Variants in ANKRD6 observed in about 807,000 individuals in gnomAD.
ANKRD6 encodes ankyrin repeat domain-containing protein 6.
Under a neutral mutation model 82.3 loss-of-function variants are expected in ANKRD6, and 56 were observed. That is an observed-to-expected ratio of 0.68 (90% confidence interval 0.55 to 0.85). The LOEUF (loss-of-function observed/expected upper bound fraction) is 0.85, where lower values mean the gene tolerates loss of function less well. Among genes scored for constraint, ANKRD6 ranks in the 40% least tolerant of loss-of-function variants. ANKRD6 has a pLI of 0.00. For missense variants in ANKRD6, 852 were observed against 907.6 expected, an observed-to-expected ratio of 0.94 and a Z score of 0.79; for synonymous variants, 347 against 352.1, an observed-to-expected ratio of 0.99 and a Z score of 0.16.
rs1354723315 is a variant in ANKRD6 at position 89,620,387 on chromosome 6, A to G, written c.793-1535A>G. Reference sequence around the variant, plus strand: ...GTCATTTTGATTGGTGTGGTTCACGAACGCTCTGAAAGTACATTTTAGGCT... The same window carrying G: ...GTCATTTTGATTGGTGTGGTTCACGGACGCTCTGAAAGTACATTTTAGGCT... On this transcript the variant is annotated intron_variant, in intron 9 of 15. Transcript: ENST00000339746. 5.9e-5 allele frequency among the ~76,000 whole-genome samples: 9 copies of G among 152,178 alleles called. No individual in the cohort carries two copies. In the East Asian group the frequency reaches 1.7e-3, roughly 29 times the overall value.
intron 2 of ANKRD6, among the ~76,000 whole-genome samples, chr6:89,575,633 T>C (rs1790947237): frequency 6.6e-6 from 1 of 152,198 alleles, no homozygotes; most frequent in Admixed American, 6.5e-5. Context: ...AATAATGGGA[T>C]TGTACTTGTA....
rs553535733 is a variant in ANKRD6 at position 89,472,769 on chromosome 6, C to G, written c.-144+39394C>G. ...CCTGTGAACTGGAGCTCATCCCATT[C>G]AGAGACGGTTCTGCCGGTGCCCTGG... On this transcript the variant is annotated intron_variant, in intron 1 of 15. Transcript: ENST00000339746. Among the ~76,000 whole-genome samples, 23 of 152,248 alleles carry G rather than the reference C, an allele frequency of 1.5e-4. No individual in the cohort carries two copies. In the East Asian group the frequency reaches 4.2e-3, roughly 28 times the overall value.
rs759751652 is a variant in ANKRD6 at position 89,621,958 on chromosome 6, AAGAG to A, written c.836_839del (p.Glu279GlyfsTer125). 6 of 1,613,784 alleles carry A rather than the reference AAGAG, an allele frequency of 3.7e-6. No individual in the cohort carries two copies. The African/African-American group carries it at 5.3e-5, about 14-fold the overall frequency. On this transcript the variant is annotated frameshift_variant, in exon 10 of 16. Transcript: ENST00000339746. LOFTEE classifies it high-confidence loss of function. ...CAGTCGTGGGCGAAGCCTGAGGAAAAAGAGAGAGAGGCTCAAGGAAGAGAGGAGA... is the reference window on the plus strand; with the variant it reads ...CAGTCGTGGGCGAAGCCTGAGGAAAAAGAGAGGCTCAAGGAAGAGAGGAGA...
intron 1 of ANKRD6, among the ~76,000 whole-genome samples, chr6:89,558,761 G>A (rs972099276): frequency 7.6e-6 from 1 of 131,966 alleles, no homozygotes; most frequent in Admixed American, 8.5e-5. Flanking sequence ...CTCATCAATT[G>A]TAACAAATGT....
rs541380470 is a variant in ANKRD6, at chr6:89,495,139, C to T, written c.-144+61764C>T. Among the ~76,000 whole-genome samples, 467 of 152,276 alleles carry T rather than the reference C, an allele frequency of 3.1e-3. 1 individual carries two copies. Among genetic ancestry groups the T allele is most frequent in the Non-Finnish European group, 5.6e-3 (380 of 68,014 alleles). ...GTCCCAGTTACTCGGGAGGCTGAGGCAGGAGAAGGCATGAACCCGGGAGGC... is the reference window on the plus strand; with the variant it reads ...GTCCCAGTTACTCGGGAGGCTGAGGTAGGAGAAGGCATGAACCCGGGAGGC... On this transcript the variant is annotated intron_variant, in intron 1 of 15. Transcript: ENST00000339746.
Position 89,630,482 on chromosome 6 carries a change from C to G in ANKRD6, c.1662C>G (p.Ser554Arg), listed in dbSNP as rs372115086. 1.2e-6 allele frequency: 2 copies of G among 1,613,974 alleles called. No homozygotes were observed. Among genetic ancestry groups the G allele is most frequent in the East Asian group, 4.5e-5 (2 of 44,886 alleles). The change falls in exon 16 of 16, where the codon AGC becomes AGG. Residue 554 changes from serine to arginine, a missense_variant. Physicochemically the swap from Ser to Arg is moderately radical, Grantham distance 110 (BLOSUM62 -1). Coordinates refer to ENST00000339746, the MANE Select transcript of ANKRD6 (RefSeq NM_001242809.2). ...VTAGPAAASD[S>R]SPPVVRPKEK... is the part of the protein sequence containing the mutation. ...CAGGTCCAGCAGCAGCTTCCGACAG[C>G]TCCCCTCCAGTGGTTAGGCCCAAAG... is the stretch of plus-strand genomic sequence containing the variant.
At chr6:89,587,304 A>G (rs1174281255) in intron 2 of ANKRD6, among the ~76,000 whole-genome samples, 1 of 151,950 alleles carries the variant, frequency 6.6e-6, no homozygotes, top group Non-Finnish European at 1.5e-5. Context: ...TCCTGGCCAA[A>G]ATGGTGAAAC....
chr6:89,583,119 C>T (rs1291534590), intron 2 of ANKRD6, among the ~76,000 whole-genome samples: 3 of 152,176 alleles, frequency 2.0e-5, no homozygotes, highest in African/African-American at 4.8e-5. Flanking sequence ...TTTTTCAGAG[C>T]AGCAAGGCAG....
intron 5 of ANKRD6, among the ~76,000 whole-genome samples, chr6:89,606,827 G>A (rs1178534616): frequency 6.6e-6 from 1 of 151,180 alleles, no homozygotes; most frequent in Non-Finnish European, 1.5e-5. Flanking sequence ...CTGCACTCCA[G>A]CCTGGGCACA....
intron 4 of ANKRD6, among the ~76,000 whole-genome samples, chr6:89,605,348 C>T (rs1016191344): frequency 6.6e-6 from 1 of 152,224 alleles, no homozygotes; most frequent in Admixed American, 6.5e-5. Context: ...CACCACTGCA[C>T]TCCACTCTAG....
In ANKRD6 at chr6:89,633,603, C is replaced by A. The variant is rs1046096514; in HGVS notation, c.*2599C>A. 1.3e-5 allele frequency: 2 copies of A among 152,072 alleles called. No homozygotes were observed. Among genetic ancestry groups the A allele is most frequent in the Non-Finnish European group, 2.9e-5 (2 of 68,010 alleles). 9.4% of individuals were successfully genotyped at this position (152,072 alleles called of 1,614,324 possible). On this transcript the variant is annotated 3_prime_UTR_variant, in exon 16 of 16. Coordinates refer to ENST00000339746, the MANE Select transcript of ANKRD6 (RefSeq NM_001242809.2). ...AATTGTTAGTGCATTATTGAGTATACTAAATATCTGTGATTAAATAAATTA... is the reference window on the plus strand; with the variant it reads ...AATTGTTAGTGCATTATTGAGTATAATAAATATCTGTGATTAAATAAATTA...
intron 1 of ANKRD6, among the ~76,000 whole-genome samples, chr6:89,533,026 G>A (rs1243688262): frequency 1.3e-5 from 2 of 151,980 alleles, no homozygotes; most frequent in Non-Finnish European, 2.9e-5. Flanking sequence ...GGCACGTGCT[G>A]CCATATTTGG....
chr6:89,543,934 A>AT (rs1336917100), intron 1 of ANKRD6, among the ~76,000 whole-genome samples: 1 of 152,160 alleles, frequency 6.6e-6, no homozygotes. Context: ...GGCCTCTGCT[A>AT]TTTTGGAATC....
chr6:89,568,951 G>A (rs1181920810), intron 2 of ANKRD6, among the ~76,000 whole-genome samples: 45 of 136,088 alleles, frequency 3.3e-4, no homozygotes, highest in African/African-American at 1.1e-3. Flanking sequence ...TTTTTTTTTA[G>A]ACAGTGTGTC....
intron 2 of ANKRD6, among the ~76,000 whole-genome samples, chr6:89,577,634 A>T (rs1791427264): frequency 6.6e-6 from 1 of 152,162 alleles, no homozygotes; most frequent in Non-Finnish European, 1.5e-5. Context: ...CCTGGGAAAC[A>T]TAGTGAGACC....
chr6:89,605,253 A>G (rs1798242860), intron 4 of ANKRD6, among the ~76,000 whole-genome samples: 1 of 152,128 alleles, frequency 6.6e-6, no homozygotes, highest in Non-Finnish European at 1.5e-5. Flanking sequence ...ATAGTGGTGC[A>G]TGTCTGTAAT....
At position 89,566,965 on chromosome 6, in the gene ANKRD6, C is replaced by A. The variant is rs762785407; in HGVS notation, c.-12C>A. ...GTCTACCGCTTCCCTGAAAACCTTT[C>A]TTTCCTAATTCATGAGCCAGCAAGA... On this transcript the variant is annotated 5_prime_UTR_variant, in exon 2 of 16. Coordinates refer to ENST00000339746, the MANE Select transcript of ANKRD6 (RefSeq NM_001242809.2). The A allele has an allele frequency of 6.4e-7, 1 of 1,573,584 alleles. No individual in the cohort carries two copies. Among genetic ancestry groups the A allele is most frequent in the Non-Finnish European group, 8.6e-7 (1 of 1,158,402 alleles).
At chr6:89,463,653 A>G (rs1774478107) in intron 1 of ANKRD6, among the ~76,000 whole-genome samples, 1 of 152,048 alleles carries the variant, frequency 6.6e-6, no homozygotes, top group Non-Finnish European at 1.5e-5. Flanking sequence ...GGTTCAAGCA[A>G]TTCTCCTGCC....
At chr6:89,457,828 T>C (rs1203712430) in intron 1 of ANKRD6, among the ~76,000 whole-genome samples, 1 of 152,212 alleles carries the variant, frequency 6.6e-6, no homozygotes, top group African/African-American at 2.4e-5. Context: ...GAATTTCTCA[T>C]TGTTATAGAC....
Sources: gnomAD v4.1 joint callset for allele counts (sites outside exome capture counted in the v4.1 genomes callset) on GRCh38, gnomAD v4.1.1 for gene constraint, MANE v1.5 for transcripts, NCBI Gene and HGNC (gene_info 2026-07-23, HGNC 2026-07-21) for gene names.